ROBO2: variants seen among roughly 807,000 people sequenced by gnomAD.
ROBO2 encodes the protein roundabout homolog 2.
A neutral mutation model predicts 160.8 loss-of-function variants in ROBO2; 53 were observed. The ratio of observed to expected loss-of-function variants is 0.33; its 90% CI spans 0.26 to 0.41. The LOEUF (loss-of-function observed/expected upper bound fraction) is 0.41, where lower values mean the gene tolerates loss of function less well. Among genes scored for constraint, ROBO2 ranks in the 10% least tolerant of loss-of-function variants. The pLI is 1.00. For missense variants in ROBO2, 1,577 were observed against 1,722.4 expected (o/e 0.92, Z 1.49); for synonymous variants, 664 against 611.7 (o/e 1.09, Z -1.26).
chr3:76,339,089 A>C (rs1234201202), intron 2 of ROBO2, among the ~76,000 whole-genome samples: 1 of 152,168 alleles, frequency 6.6e-6, no homozygotes, highest in East Asian at 1.9e-4. Flanking sequence ...TAAATGTAAA[A>C]CACTTCTATT....
Position 77,080,936 on chromosome 3 carries a change from G to A in ROBO2, c.62-17078G>A, listed in dbSNP as rs963605841. On this transcript the variant is annotated intron_variant, in intron 1 of 25. Coordinates refer to ENST00000461745, the Ensembl canonical transcript of ROBO2. ...TTATGGTTTTTATAAGGTATTCGCC[G>A]GAGTTGCCTGTTTTGTTTAATGGCT... Among the ~76,000 whole-genome samples, 7 of 152,046 alleles carry A rather than the reference G, an allele frequency of 4.6e-5. 1 individual carries two copies. In the South Asian group the frequency reaches 1.2e-3, roughly 27 times the overall value.
At chr3:76,685,052 T>C (rs1051618239) in intron 2 of ROBO2, among the ~76,000 whole-genome samples, 26 of 151,418 alleles carry the variant, frequency 1.7e-4, no homozygotes, top group Admixed American at 1.3e-3. Flanking sequence ...AGTCTCTACA[T>C]AGGACATTTT....
chr3:77,214,119 G>A (rs537125963), intron 2 of ROBO2, among the ~76,000 whole-genome samples: 23 of 152,130 alleles, frequency 1.5e-4, no homozygotes, highest in African/African-American at 5.3e-4. Context: ...GCTGAGTTCA[G>A]TTTCTGGATA....
chr3:76,193,585 G>A (rs1702111473), intron 2 of ROBO2, among the ~76,000 whole-genome samples: 1 of 152,158 alleles, frequency 6.6e-6, no homozygotes, highest in African/African-American at 2.4e-5. Context: ...GATTATCTAT[G>A]TTGCAAGTAG....
chr3:76,618,067 T>C (rs1392760855), intron 2 of ROBO2, among the ~76,000 whole-genome samples: 5 of 151,484 alleles, frequency 3.3e-5, no homozygotes, highest in African/African-American at 1.2e-4. Flanking sequence ...CTTTAAAGGC[T>C]TCCTAGAAGA....
chr3:76,485,746 TGC>T lies in ROBO2; in HGVS notation c.109+548145_109+548146del, dbSNP rs2079458217. On this transcript the variant is annotated intron_variant, in intron 2 of 26. Coordinates refer to the ROBO2 transcript ENST00000487694. The stretch of plus-strand genomic sequence containing the variant: ...TAGAACCAGATTACATACAAAATTT[TGC>T]TTTTTATAATTTAAAAAAATAAAGT... Among the ~76,000 whole-genome samples, 4 of 152,232 alleles carry T rather than the reference TGC, an allele frequency of 2.6e-5. 1 individual carries two copies. Among genetic ancestry groups the T allele is most frequent in the Non-Finnish European group, 5.9e-5 (4 of 68,034 alleles).
chr3:76,742,565 A>ATT (rs544199590), intron 2 of ROBO2, among the ~76,000 whole-genome samples: 4 of 152,086 alleles, frequency 2.6e-5, no homozygotes, highest in African/African-American at 9.7e-5. Flanking sequence ...CCAAATGAAG[A>ATT]TTTTTTTTAA....
chr3:75,973,308 T>C (rs1306025262), intron 2 of ROBO2, among the ~76,000 whole-genome samples: 3 of 151,720 alleles, frequency 2.0e-5, no homozygotes, highest in Non-Finnish European at 4.4e-5. Flanking sequence ...TCCTTCACAG[T>C]GGTTTATCTT....
intron 9 of ROBO2, among the ~76,000 whole-genome samples, chr3:77,560,954 T>C (rs2093303029): frequency 6.6e-6 from 1 of 152,154 alleles, no homozygotes; most frequent in Admixed American, 6.6e-5. Flanking sequence ...TGATGCTTCT[T>C]AAATGCAAAG....
chr3:76,475,549 A>G (rs896098792), intron 2 of ROBO2, among the ~76,000 whole-genome samples: 7 of 151,624 alleles, frequency 4.6e-5, no homozygotes, highest in African/African-American at 1.7e-4. Flanking sequence ...ATATTTCCTC[A>G]TTAAAAAAAA....
At chr3:76,361,637 A>T (rs901099477) in intron 2 of ROBO2, among the ~76,000 whole-genome samples, 1 of 152,102 alleles carries the variant, frequency 6.6e-6, no homozygotes. Flanking sequence ...TCAAACTCTG[A>T]TTTTACACCA....
intron 2 of ROBO2, among the ~76,000 whole-genome samples, chr3:76,363,275 C>G (rs1040057852): frequency 1.3e-5 from 2 of 151,914 alleles, no homozygotes; most frequent in Non-Finnish European, 1.5e-5. Flanking sequence ...TGGTCTTACT[C>G]CTTGGCCTCA....
At chr3:76,209,399 G>T (rs1045055155) in intron 2 of ROBO2, among the ~76,000 whole-genome samples, 18 of 151,892 alleles carry the variant, frequency 1.2e-4, no homozygotes, top group African/African-American at 4.4e-4. Flanking sequence ...AACTATTTTT[G>T]AAAATATAAG....
chr3:76,155,812 A>G (rs978060000), intron 2 of ROBO2, among the ~76,000 whole-genome samples: 14 of 152,210 alleles, frequency 9.2e-5, no homozygotes, highest in African/African-American at 3.4e-4. Flanking sequence ...CTGAAACGTT[A>G]ACAAAGATGC....
At chr3:77,362,273 C>T (rs552541598) in intron 2 of ROBO2, among the ~76,000 whole-genome samples, 5 of 151,984 alleles carry the variant, frequency 3.3e-5, no homozygotes, top group Admixed American at 6.6e-5. Context: ...AGAAATTGAA[C>T]GAAACTCCAA....
intron 2 of ROBO2, among the ~76,000 whole-genome samples, chr3:76,534,209 A>C (rs1034316937): frequency 6.6e-6 from 1 of 152,068 alleles, no homozygotes; most frequent in African/African-American, 2.4e-5. Flanking sequence ...AAAATGAGTT[A>C]ATTTAGTAAA....
At chr3:77,571,891 CA>C (rs1389568251) in intron 13 of ROBO2, among the ~76,000 whole-genome samples, 1 of 147,576 alleles carries the variant, frequency 6.8e-6, no homozygotes, top group Non-Finnish European at 1.5e-5. Context: ...CCTGTAACAA[CA>C]AATTTCGTCC....
At chr3:76,027,926 G>T (rs1576542053) in intron 2 of ROBO2, among the ~76,000 whole-genome samples, 2 of 151,804 alleles carry the variant, frequency 1.3e-5, no homozygotes, top group East Asian at 3.9e-4. Flanking sequence ...ACTTTTTCTG[G>T]AAACATCAAG....
intron 2 of ROBO2, among the ~76,000 whole-genome samples, chr3:76,708,554 G>C (rs190023744): frequency 1.3e-5 from 2 of 152,270 alleles, no homozygotes; most frequent in East Asian, 3.9e-4. Flanking sequence ...ACAGTACACT[G>C]TCATCCAGGA....
Sources: allele counts gnomAD v4.1 joint callset (sites outside exome capture counted in the v4.1 genomes callset), GRCh38; gene constraint gnomAD v4.1.1; transcripts MANE v1.5; gene names NCBI Gene and HGNC (gene_info 2026-07-23, HGNC 2026-07-21).